The following CRIM1 variants were observed in gnomAD, a reference collection of about 807,000 sequenced individuals.
The protein encoded by CRIM1 is cysteine rich transmembrane BMP regulator 1, also known as cysteine-rich motor neuron 1 protein.
Under a neutral mutation model 116.4 loss-of-function variants are expected in CRIM1, and 32 were observed. The observed-to-expected ratio is 0.27, with a 90% confidence interval of 0.21 to 0.37. The LOEUF (loss-of-function observed/expected upper bound fraction) is 0.37. Among genes scored for constraint, CRIM1 ranks in the 10% least tolerant of loss-of-function variants. CRIM1 has a pLI of 1.00. For synonymous variants in CRIM1, 590 were observed against 509.2 expected, an observed-to-expected ratio of 1.16 and a Z score of -2.13; for missense variants, 1,331 against 1,354.8, an observed-to-expected ratio of 0.98 and a Z score of 0.28.
intron 10 of CRIM1, among the ~76,000 whole-genome samples, chr2:36,512,626 T>G (rs536189544): frequency 6.6e-6 from 1 of 152,290 alleles, no homozygotes; most frequent in Non-Finnish European, 1.5e-5. Context: ...TTGACTAAAT[T>G]AATCACTTCC....
chr2:36,364,469 C>T (rs909026134), intron 1 of CRIM1, among the ~76,000 whole-genome samples: 7 of 152,126 alleles, frequency 4.6e-5, no homozygotes, highest in Non-Finnish European at 8.8e-5. Context: ...CATGAGATAA[C>T]GGAAATGCCA....
chr2:36,483,001 G>A (rs1470786686), intron 7 of CRIM1, among the ~76,000 whole-genome samples: 1 of 152,174 alleles, frequency 6.6e-6, no homozygotes, highest in Admixed American at 6.5e-5. Flanking sequence ...CAGCTAACTT[G>A]ATTCACAAGT....
At chr2:36,484,976 G>GT (rs772743607) in intron 7 of CRIM1, among the ~76,000 whole-genome samples, 10 of 152,170 alleles carry the variant, frequency 6.6e-5, no homozygotes, top group African/African-American at 1.4e-4. Flanking sequence ...TTTGTAGATT[G>GT]TTAAAGCTGG....
intron 2 of CRIM1, among the ~76,000 whole-genome samples, chr2:36,429,334 C>T (rs1674693669): frequency 6.6e-6 from 1 of 152,162 alleles, no homozygotes; most frequent in Non-Finnish European, 1.5e-5. Context: ...TGACGCAGAA[C>T]ACAGTGTTCA....
At chr2:36,395,168 C>G (rs1206820580) in intron 1 of CRIM1, among the ~76,000 whole-genome samples, 2 of 152,068 alleles carry the variant, frequency 1.3e-5, no homozygotes, top group Admixed American at 6.5e-5. Flanking sequence ...GCATGCGCCA[C>G]CATGTCCAGC....
At chr2:36,496,882 A>G (rs1157195579) in intron 7 of CRIM1, among the ~76,000 whole-genome samples, 1 of 152,092 alleles carries the variant, frequency 6.6e-6, no homozygotes, top group African/African-American at 2.4e-5. Flanking sequence ...CCTTAATCGC[A>G]TGTTAATCTA....
intron 13 of CRIM1, among the ~76,000 whole-genome samples, chr2:36,533,680 A>G (rs1223330171): frequency 6.6e-6 from 1 of 152,194 alleles, no homozygotes; most frequent in East Asian, 1.9e-4. Context: ...CATTTTATAA[A>G]TATTCTTTTA....
At chr2:36,391,544 A>G (rs970886684) in intron 1 of CRIM1, among the ~76,000 whole-genome samples, 3 of 152,204 alleles carry the variant, frequency 2.0e-5, no homozygotes, top group African/African-American at 7.2e-5. Flanking sequence ...TGGCTAAATC[A>G]CATTAAAGAA....
intron 2 of CRIM1, among the ~76,000 whole-genome samples, chr2:36,419,649 A>G (rs1001871819): frequency 1.3e-5 from 2 of 152,156 alleles, no homozygotes; most frequent in East Asian, 1.9e-4. Flanking sequence ...TAGCTCTTTT[A>G]GTATTATTTC....
intron 1 of CRIM1, among the ~76,000 whole-genome samples, chr2:36,361,199 T>G (rs1669201386): frequency 6.6e-6 from 1 of 152,210 alleles, no homozygotes; most frequent in South Asian, 2.1e-4. Flanking sequence ...ATGGATTGTG[T>G]ATTATCAGAA....
chr2:36,437,897 G>T (rs1035235336), intron 2 of CRIM1, among the ~76,000 whole-genome samples: 13 of 152,278 alleles, frequency 8.5e-5, no homozygotes, highest in African/African-American at 3.1e-4. Flanking sequence ...ACTTTGGGAG[G>T]CTGAGGCGGG....
intron 13 of CRIM1, among the ~76,000 whole-genome samples, chr2:36,528,915 C>T (rs1290855489): frequency 6.6e-6 from 1 of 152,180 alleles, no homozygotes; most frequent in Non-Finnish European, 1.5e-5. Context: ...TTGCTGCTTC[C>T]ATAAGCAGCT....
At chr2:36,436,326 A>C (rs148055830) in intron 2 of CRIM1, among the ~76,000 whole-genome samples, 2 of 152,292 alleles carry the variant, frequency 1.3e-5, no homozygotes, top group East Asian at 3.9e-4. Flanking sequence ...TAATTTATTG[A>C]AAGGTGAATA....
chr2:36,469,800 T>C (rs1423995676), intron 5 of CRIM1, among the ~76,000 whole-genome samples: 3 of 152,206 alleles, frequency 2.0e-5, no homozygotes, highest in Admixed American at 1.3e-4. Flanking sequence ...TATGTGTTTA[T>C]TGAGCACCCC....
At chr2:36,502,049 T>C (rs1681038221) in intron 8 of CRIM1, among the ~76,000 whole-genome samples, 2 of 152,216 alleles carry the variant, frequency 1.3e-5, no homozygotes, top group South Asian at 4.1e-4. Flanking sequence ...GGATCATATA[T>C]ATTAATACAT....
chr2:36,547,114 C>T lies in CRIM1; in HGVS notation c.2877C>T (p.Phe959=). 1 of 1,613,026 alleles carries T rather than the reference C, an allele frequency of 6.2e-7. No individual in the cohort carries two copies. The highest frequency in any genetic ancestry group is 8.5e-7 in the Non-Finnish European group (1 of 1,179,196). ...TCTCTATTATAATAGCATTCCTATTCATCAATCAGAAGAAACAGTGGATAC... is the reference window on the plus strand; with the variant it reads ...TCTCTATTATAATAGCATTCCTATTTATCAATCAGAAGAAACAGTGGATAC... ...ICLSIIIAFL[F]INQKKQWIPL... Residue 959 remains phenylalanine, a synonymous_variant, in exon 16 of 17, where the codon TTC becomes TTT. Transcript: ENST00000280527.
chr2:36,400,621 G>A (rs762422089), intron 2 of CRIM1, among the ~76,000 whole-genome samples: 13 of 152,172 alleles, frequency 8.5e-5, no homozygotes, highest in Non-Finnish European at 1.3e-4. Flanking sequence ...TATGGAATGT[G>A]GGAGATAAAG....
chr2:36,364,627 A>G (rs1201123803), intron 1 of CRIM1, among the ~76,000 whole-genome samples: 1 of 152,196 alleles, frequency 6.6e-6, no homozygotes, highest in Non-Finnish European at 1.5e-5. Flanking sequence ...GTTTTAGGAA[A>G]AAGAAAATAG....
chr2:36,366,856 T>G (rs542189396), intron 1 of CRIM1, among the ~76,000 whole-genome samples: 1 of 152,172 alleles, frequency 6.6e-6, no homozygotes, highest in Non-Finnish European at 1.5e-5. Context: ...AAAGCTACCT[T>G]GAGGATGTTT....
Sources: allele counts gnomAD v4.1 joint callset (sites outside exome capture counted in the v4.1 genomes callset), GRCh38; gene constraint gnomAD v4.1.1; transcripts MANE v1.5; gene names NCBI Gene and HGNC (gene_info 2026-07-23, HGNC 2026-07-21).